The following ALCAM variants were observed in gnomAD, a reference collection of about 807,000 sequenced individuals.
The protein encoded by ALCAM is activated leukocyte cell adhesion molecule.
In ALCAM, 30 loss-of-function variants were observed where a neutral mutation model predicts 70.9. The ratio of observed to expected loss-of-function variants is 0.42; its 90% CI spans 0.32 to 0.57. The LOEUF is 0.57. ALCAM is among the 20% of genes least tolerant of loss of function. The pLI is 0.11. For missense variants in ALCAM, 591 were observed against 695.1 expected (o/e 0.85, Z 1.68); for synonymous variants, 249 against 242.5 (o/e 1.03, Z -0.25).
chr3:105,568,063 ATTTTTTT>A (rs71111369), intron 14 of ALCAM, among the ~76,000 whole-genome samples: 1 of 116,956 alleles, frequency 8.6e-6, no homozygotes, highest in African/African-American at 3.1e-5. Flanking sequence ...ATTTTATTTT[ATTTTTTT>A]TTTTTTTTGA....
chr3:105,373,704 T>G (rs2041194982), intron 1 of ALCAM, among the ~76,000 whole-genome samples: 1 of 152,218 alleles, frequency 6.6e-6, no homozygotes, highest in South Asian at 2.1e-4. Flanking sequence ...AACATAAATT[T>G]TTTGAATACC....
chr3:105,490,873 C>T (rs940325130), intron 1 of ALCAM, among the ~76,000 whole-genome samples: 25 of 152,176 alleles, frequency 1.6e-4, no homozygotes, highest in African/African-American at 6.0e-4. Context: ...GTGGATGGAT[C>T]TACAATTCTG....
chr3:105,532,791 A>G lies in ALCAM; in HGVS notation c.459+725A>G, dbSNP rs563947176. 2.0e-5 allele frequency among the ~76,000 whole-genome samples: 3 copies of G among 152,264 alleles called. No homozygotes were observed. The East Asian group carries it at 5.8e-4, about 29-fold the overall frequency. ...AGAAAACAAGAAAGGATAGAAAGAG[A>G]TGAATCTGGAGAGGCAAAGAAAAGT... On this transcript the variant is annotated intron_variant, in intron 4 of 15. Transcript: ENST00000306107.
chr3:105,459,900 G>A (rs958051054), intron 1 of ALCAM, among the ~76,000 whole-genome samples: 1 of 152,012 alleles, frequency 6.6e-6, no homozygotes, highest in Admixed American at 6.6e-5. Flanking sequence ...ATAGAGATGG[G>A]ACAGCAGGCT....
chr3:105,459,270 T>C (rs1262986043), intron 1 of ALCAM, among the ~76,000 whole-genome samples: 2 of 152,158 alleles, frequency 1.3e-5, no homozygotes, highest in African/African-American at 4.8e-5. Context: ...AGACTTCTTG[T>C]CACTTCTTCC....
intron 11 of ALCAM, among the ~76,000 whole-genome samples, chr3:105,549,924 C>T (rs1225059242): frequency 2.6e-5 from 4 of 151,230 alleles, no homozygotes; most frequent in African/African-American, 7.3e-5. Context: ...ACAAAAGAAA[C>T]ATAAACAGAA....
At chr3:105,474,018 A>G (rs1162049827) in intron 1 of ALCAM, among the ~76,000 whole-genome samples, 2 of 151,580 alleles carry the variant, frequency 1.3e-5, no homozygotes, top group Non-Finnish European at 3.0e-5. Context: ...ATCATTATGA[A>G]TATGTACCTG....
chr3:105,470,735 T>G (rs9831077), intron 1 of ALCAM, among the ~76,000 whole-genome samples: 12,182 of 151,158 alleles, frequency 0.081, 609 homozygotes, highest in Non-Finnish European at 0.12. Flanking sequence ...AAATAATAAT[T>G]GATATTTATA....
At chr3:105,397,021 A>T (rs1173005782) in intron 1 of ALCAM, among the ~76,000 whole-genome samples, 1 of 152,060 alleles carries the variant, frequency 6.6e-6, no homozygotes, top group African/African-American at 2.4e-5. Context: ...GGCTATATCA[A>T]TTGGTGTGCT....
chr3:105,400,969 TAGGC>T (rs1936074173), intron 1 of ALCAM, among the ~76,000 whole-genome samples: 1 of 152,206 alleles, frequency 6.6e-6, no homozygotes, highest in Non-Finnish European at 1.5e-5. Flanking sequence ...GTACACAAAG[TAGGC>T]ACTCAAGAAT....
intron 12 of ALCAM, among the ~76,000 whole-genome samples, chr3:105,551,818 T>C (rs1475598461): frequency 6.6e-6 from 1 of 151,504 alleles, no homozygotes; most frequent in Non-Finnish European, 1.5e-5. Context: ...GCCGACTTGC[T>C]TCCCTAAAAA....
intron 4 of ALCAM, among the ~76,000 whole-genome samples, chr3:105,532,507 G>A (rs1172795532): frequency 6.6e-6 from 1 of 152,124 alleles, no homozygotes; most frequent in East Asian, 1.9e-4. Context: ...GTAGGCTGAT[G>A]CTTGGTAAGG....
intron 1 of ALCAM, among the ~76,000 whole-genome samples, chr3:105,483,213 G>A (rs537819052): frequency 6.6e-6 from 1 of 152,178 alleles, no homozygotes; most frequent in African/African-American, 2.4e-5. Context: ...GTAAATGAGG[G>A]GAGAAGCTAT....
rs367931446 is a variant in ALCAM at position 105,482,107 on chromosome 3, GTATTT to G, written c.74-37946_74-37942del. Among the ~76,000 whole-genome samples the G allele has an allele frequency of 4.6e-3, 704 of 151,928 alleles. 7 individuals carry two copies. Among genetic ancestry groups the G allele is most frequent in the African/African-American group, 0.016 (676 of 41,414 alleles). ...GATCATTTTCCACTAATATTAATTC[GTATTT>G]TATTTTATTTTATGTTTTTTGAGAC... On this transcript the variant is annotated intron_variant, in intron 1 of 15. Transcript: ENST00000306107.
At chr3:105,503,313 T>C (rs1938974911) in intron 1 of ALCAM, among the ~76,000 whole-genome samples, 1 of 152,252 alleles carries the variant, frequency 6.6e-6, no homozygotes, top group African/African-American at 2.4e-5. Flanking sequence ...TCACACATAG[T>C]GTATGATATG....
At chr3:105,461,298 A>G (rs970464653) in intron 1 of ALCAM, among the ~76,000 whole-genome samples, 15 of 151,854 alleles carry the variant, frequency 9.9e-5, no homozygotes, top group Middle Eastern at 3.2e-3. Context: ...GTTCAATGTC[A>G]CATGAATATC....
At chr3:105,385,071 T>C (rs550478717) in intron 1 of ALCAM, among the ~76,000 whole-genome samples, 1 of 151,712 alleles carries the variant, frequency 6.6e-6, no homozygotes, top group East Asian at 1.9e-4. Flanking sequence ...TACTGTCTAG[T>C]TCCTGGATTC....
At chr3:105,411,558 G>A (rs972374258) in intron 1 of ALCAM, among the ~76,000 whole-genome samples, 2 of 152,036 alleles carry the variant, frequency 1.3e-5, no homozygotes, top group Non-Finnish European at 1.5e-5. Context: ...CTCTTTACAC[G>A]TTTCCATTCA....
chr3:105,425,760 A>ATTT (rs11456682), intron 1 of ALCAM, among the ~76,000 whole-genome samples: 5 of 146,522 alleles, frequency 3.4e-5, no homozygotes, highest in African/African-American at 5.0e-5. Flanking sequence ...CATATTTTTA[A>ATTT]TTTTTTTTTT....
Sources: gnomAD v4.1 joint callset for allele counts (sites outside exome capture counted in the v4.1 genomes callset) on GRCh38, gnomAD v4.1.1 for gene constraint, MANE v1.5 for transcripts, NCBI Gene and HGNC (gene_info 2026-07-23, HGNC 2026-07-21) for gene names.